Variants in RAP1GAP2 observed in about 807,000 individuals in gnomAD.
The protein encoded by RAP1GAP2 is RAP1 GTPase activating protein 2.
Under a neutral mutation model 95.0 loss-of-function variants are expected in RAP1GAP2, and 27 were observed. The ratio of observed to expected loss-of-function variants is 0.28; its 90% CI spans 0.21 to 0.39. The LOEUF is 0.39. RAP1GAP2 is among the 10% of genes least tolerant of loss of function. RAP1GAP2 has a pLI of 1.00. For missense variants in RAP1GAP2, 771 were observed against 970.0 expected, an observed-to-expected ratio of 0.79 and a Z score of 2.72; for synonymous variants, 373 against 380.9, an observed-to-expected ratio of 0.98 and a Z score of 0.24.
intron 10 of RAP1GAP2, among the ~76,000 whole-genome samples, chr17:2,982,188 G>A (rs112889535): frequency 0.033 from 5,073 of 152,282 alleles, 267 homozygotes; most frequent in African/African-American, 0.11. Context: ...CACCCAGGCT[G>A]GAGTGCAGTG....
Position 2,980,267 on chromosome 17 carries a change from T to C in RAP1GAP2, c.597-20T>C, listed in dbSNP as rs754168851. The C allele has an allele frequency of 7.4e-6, 12 of 1,613,054 alleles. No individual in the cohort carries two copies. The highest frequency in any genetic ancestry group is 9.3e-6 in the Non-Finnish European group (11 of 1,179,304). On this transcript the variant is annotated intron_variant, in intron 8 of 24. Coordinates refer to ENST00000254695, the MANE Select transcript of RAP1GAP2 (RefSeq NM_015085.5). ...CTGACTGTTTCTTAGGGATGTCCTT[T>C]TTTCTCCCGTCTTGTGCAGGTCCAA... is the stretch of plus-strand genomic sequence containing the variant.
At position 3,026,258 on chromosome 17, in the gene RAP1GAP2, C is replaced by T. The variant is rs114828666; in HGVS notation, c.1866-92C>T. On this transcript the variant is annotated intron_variant, in intron 20 of 24. Coordinates refer to ENST00000254695, the MANE Select transcript of RAP1GAP2 (RefSeq NM_015085.5). ...GAACACAAAGGCCGACGGGTGGGGG[C>T]GTGGGGAGCCGCCAGAGGTCCCGGG... is the stretch of plus-strand genomic sequence containing the variant. The T allele has an allele frequency of 6.6e-4, 866 of 1,311,334 alleles. 5 individuals are homozygous for T. In the African/African-American group the frequency reaches 0.011, roughly 16 times the overall value. The allele number at this position is 1,311,334 out of a possible 1,614,324, so 81.2% of individuals were successfully genotyped here.
chr17:2,862,946 G>A (rs919037474), intron 2 of RAP1GAP2, among the ~76,000 whole-genome samples: 1 of 145,628 alleles, frequency 6.9e-6, no homozygotes. Flanking sequence ...GCAGTGAGCC[G>A]AGATTGCACC....
At chr17:2,787,271 T>C (rs866111888) in intron 1 of RAP1GAP2, among the ~76,000 whole-genome samples, 2,192 of 145,582 alleles carry the variant, frequency 0.015, 31 homozygotes, top group African/African-American at 0.054. Flanking sequence ...TTTTTTTTTC[T>C]TTTTTTTTTT....
chr17:2,853,678 C>T (rs185147088), intron 2 of RAP1GAP2, among the ~76,000 whole-genome samples: 22,037 of 145,942 alleles, frequency 0.15, 1,800 homozygotes, highest in East Asian at 0.24. Context: ...CGGGGCGGGT[C>T]CCGGCGCGGG....
At chr17:2,823,338 C>T (rs1446768989) in intron 2 of RAP1GAP2, among the ~76,000 whole-genome samples, 5 of 152,184 alleles carry the variant, frequency 3.3e-5, no homozygotes, top group Non-Finnish European at 7.3e-5. Flanking sequence ...TGGAACCCAA[C>T]CTTTGTCAGG....
chr17:2,868,527 T>C (rs1462348744), intron 2 of RAP1GAP2, among the ~76,000 whole-genome samples: 1 of 151,234 alleles, frequency 6.6e-6, no homozygotes, highest in East Asian at 1.9e-4. Context: ...TTTTTTTTTT[T>C]TTTTTTTTGA....
chr17:2,989,898 C>T (rs573271315), intron 11 of RAP1GAP2, among the ~76,000 whole-genome samples: 8 of 152,320 alleles, frequency 5.3e-5, no homozygotes, highest in Admixed American at 3.3e-4. Flanking sequence ...AGGCACTCCC[C>T]ATCCCCCTTT....
Position 2,947,906 on chromosome 17 carries a change from C to T in RAP1GAP2, c.166-9853C>T, listed in dbSNP as rs192351319. On this transcript the variant is annotated intron_variant, in intron 3 of 24. Transcript: ENST00000254695. ...ACTCACTCTGACCTGTTTGCTTCTC[C>T]CCCCAGCACTTTCTGGCCCGCATCT... Among the ~76,000 whole-genome samples the T allele has an allele frequency of 4.2e-4, 64 of 152,226 alleles. 1 individual carries two copies. The East Asian group carries it at 0.012, about 29-fold the overall frequency.
intron 17 of RAP1GAP2, among the ~76,000 whole-genome samples, chr17:3,009,055 G>T (rs1229633954): frequency 1.3e-5 from 2 of 152,066 alleles, no homozygotes; most frequent in Non-Finnish European, 2.9e-5. Flanking sequence ...ATTATGTGTG[G>T]GACTTTATGG....
At chr17:2,913,291 TTC>T (rs202098693) in intron 3 of RAP1GAP2, among the ~76,000 whole-genome samples, 2 of 149,792 alleles carry the variant, frequency 1.3e-5, no homozygotes, top group East Asian at 2.2e-4. Context: ...CCTAATTCTG[TTC>T]TCTTTTTTTT....
rs199756716 is a variant in RAP1GAP2, at chr17:2,982,756, C to T, written c.729+1508C>T. 1.5e-4 allele frequency among the ~76,000 whole-genome samples: 23 copies of T among 152,146 alleles called. No individual in the cohort carries two copies. In the East Asian group the frequency reaches 2.1e-3, roughly 14 times the overall value. ...ATTTTGGTTGTCAAATCTTAGCCAC[C>T]GAGAGGACCAATGGTGTTTATTTGC... On this transcript the variant is annotated intron_variant, in intron 10 of 24. Transcript: ENST00000254695.
intron 23 of RAP1GAP2, among the ~76,000 whole-genome samples, chr17:3,031,661 C>T (rs1257424900): frequency 2.0e-5 from 3 of 148,352 alleles, no homozygotes; most frequent in African/African-American, 5.0e-5. Context: ...CCTGGGTCCC[C>T]CAGTCCCTTT....
At chr17:2,830,571 G>A (rs1430098102) in intron 2 of RAP1GAP2, among the ~76,000 whole-genome samples, 1 of 151,866 alleles carries the variant, frequency 6.6e-6, no homozygotes, top group East Asian at 1.9e-4. Context: ...AAAATTAGCT[G>A]GGCGTGGTGG....
intron 1 of RAP1GAP2, among the ~76,000 whole-genome samples, chr17:2,787,563 T>C (rs2068816666): frequency 6.6e-6 from 1 of 151,120 alleles, no homozygotes; most frequent in African/African-American, 2.4e-5. Context: ...GAGCCTGTTT[T>C]TTTGTTTTGT....
In RAP1GAP2 at chr17:2,904,105, A is replaced by G. The variant is rs959740193; in HGVS notation, c.81-1179A>G. On this transcript the variant is annotated intron_variant, in intron 2 of 24. Coordinates refer to ENST00000254695, the MANE Select transcript of RAP1GAP2 (RefSeq NM_015085.5). This position sits in a 1 kb window ranked among gnomAD's most constrained non-coding sequence, Gnocchi z 4.7. ...GGGCTGTAGAGGAGGACACACTTGT[A>G]AAGTTGGGGGCTTTGACGGCTCAGC... Among the ~76,000 whole-genome samples, 4 of 152,116 alleles carry G rather than the reference A, an allele frequency of 2.6e-5. No individual in the cohort carries two copies. The highest frequency in any genetic ancestry group is 9.7e-5 in the African/African-American group (4 of 41,424).
chr17:2,876,337 G>A (rs546283201), intron 2 of RAP1GAP2, among the ~76,000 whole-genome samples: 6 of 152,284 alleles, frequency 3.9e-5, no homozygotes, highest in African/African-American at 1.2e-4. Flanking sequence ...AGGAGATCCC[G>A]AGAACAAGTG....
chr17:2,832,507 G>C (rs191441740), intron 2 of RAP1GAP2, among the ~76,000 whole-genome samples: 2,849 of 145,240 alleles, frequency 0.02, 85 homozygotes, highest in African/African-American at 0.068. Context: ...GCAGTGAGCC[G>C]AGATCGCGCC....
chr17:2,764,519 G>A (rs1485484396), intron 1 of RAP1GAP2, among the ~76,000 whole-genome samples: 2 of 152,098 alleles, frequency 1.3e-5, no homozygotes, highest in African/African-American at 2.4e-5. Context: ...TCAGGGGTTT[G>A]AGACCAGCCT....
Sources: allele counts gnomAD v4.1 joint callset (sites outside exome capture counted in the v4.1 genomes callset), GRCh38; gene constraint gnomAD v4.1.1; non-coding constraint Gnocchi (gnomAD v3.1); transcripts MANE v1.5; gene names NCBI Gene and HGNC (gene_info 2026-07-23, HGNC 2026-07-21).